Variants in CIC observed in about 807,000 individuals in gnomAD.
The protein encoded by CIC is capicua transcriptional repressor, also known as protein capicua homolog.
In CIC, 18 loss-of-function variants were observed where a neutral mutation model predicts 115.7. The observed-to-expected ratio is 0.16, with a 90% CI of 0.11 to 0.23. CIC has a LOEUF of 0.23. Ranked by LOEUF, CIC falls within the 10% of genes least tolerant of loss-of-function variation. The probability of loss-of-function intolerance (pLI) is 1.00; values close to 1 mark genes in which losing one functional copy is unlikely to be tolerated. For synonymous variants in CIC, 1,076 were observed against 923.0 expected (o/e 1.17, Z -3.01); for missense variants, 2,000 against 2,159.3 (o/e 0.93, Z 1.46).
chr19:42,271,633 A>T, intron 1 of CIC, 141 bp from the exon 2 acceptor site: 1 of 397,530 alleles, frequency 2.5e-6, no homozygotes, highest in African/African-American at 2.1e-5. Flanking sequence ...GTATCACATG[A>T]GTTGACAGCA....
At chr19:42,277,572 C>T (rs978944121) in intron 2 of CIC, among the ~76,000 whole-genome samples, 10 of 152,192 alleles carry the variant, frequency 6.6e-5, no homozygotes, top group African/African-American at 2.4e-4. Flanking sequence ...GGCTCCAGAT[C>T]CCAGGCCCTT....
chr19:42,287,312 C>T lies in CIC; in HGVS notation c.3180-8C>T, dbSNP rs775953544. 13 of 1,613,866 alleles carry T rather than the reference C, an allele frequency of 8.1e-6. No homozygotes were observed. Among genetic ancestry groups the T allele is most frequent in the East Asian group, 6.7e-5 (3 of 44,888 alleles). Reference sequence around the variant, plus strand: ...ATGGCCCTCACTGTCCCTGCTGCCCCGCCGCAGCTTCCTCTCCATCATGTC... The same window carrying T: ...ATGGCCCTCACTGTCCCTGCTGCCCTGCCGCAGCTTCCTCTCCATCATGTC... On this transcript the variant is annotated splice_polypyrimidine_tract_variant and splice_region_variant and intron_variant, in intron 4 of 20. Transcript: ENST00000681038. The surrounding 1 kb of genome is among the most constrained non-coding windows in gnomAD (Gnocchi z 8.7).
At chr19:42,283,042 A>G (rs1013032901) in intron 2 of CIC, among the ~76,000 whole-genome samples, 4 of 152,116 alleles carry the variant, frequency 2.6e-5, no homozygotes, top group African/African-American at 9.7e-5. Flanking sequence ...TGAGCTCTGT[A>G]TACCTGATGG....
chr19:42,274,875 G>C (rs2036911567), intron 2 of CIC, among the ~76,000 whole-genome samples: 1 of 152,172 alleles, frequency 6.6e-6, no homozygotes, highest in African/African-American at 2.4e-5. Context: ...GATGGGATAA[G>C]AGAATGATAA....
At position 42,295,636 on chromosome 19, in the gene CIC, TCTC is replaced by T. The variant is rs1305794449; in HGVS notation, c.*449_*451del. On this transcript the variant is annotated 3_prime_UTR_variant, in exon 21 of 21. Transcript: ENST00000681038. The stretch of plus-strand genomic sequence containing the variant: ...TTTGCCACAGGCACGGGGAGGGTTT[TCTC>T]CTCACCCCCTCTGCCCTCCCAACTT... The T allele has an allele frequency of 1.1e-4, 27 of 236,950 alleles. No individual in the cohort carries two copies. The East Asian group carries it at 1.6e-3, about 14-fold the overall frequency. The allele number at this position is 236,950 out of a possible 1,614,324, so 14.7% of individuals were successfully genotyped here. A position where few individuals can be genotyped will look rare whatever the true frequency, so the allele number is the denominator to read the frequency against.
Position 42,272,379 on chromosome 19 carries a change from T to C in CIC, c.596T>C (p.Leu199Pro). The change falls in exon 2 of 21, where the codon CTG becomes CCG. Residue 199 changes from leucine to proline, a missense_variant. This residue lies in a region of CIC where 222 missense variants were observed against 247.7 expected (regional missense o/e 0.90). Coordinates refer to ENST00000681038, the MANE Select transcript of CIC (RefSeq NM_001386298.1). Reference protein sequence around the residue: ...PPGSTSGSYDLRQLRSQRVLA... With the variant: ...PPGSTSGSYDPRQLRSQRVLA... ...GGCAGCACCAGTGGCAGCTATGACC[T>C]GCGGCAGCTGCGGTCCCAGCGGGTG... 1 of 398,534 alleles carries C rather than the reference T, an allele frequency of 2.5e-6. No homozygotes were observed. Among genetic ancestry groups the C allele is most frequent in the Non-Finnish European group, 4.4e-6 (1 of 225,990 alleles). The allele number at this position is 398,534 out of a possible 1,614,324, so 24.7% of individuals were successfully genotyped here. A position where few individuals can be genotyped will look rare whatever the true frequency, so the allele number is the denominator to read the frequency against.
intron 2 of CIC, among the ~76,000 whole-genome samples, chr19:42,275,037 A>G (rs1270840435): frequency 6.6e-6 from 1 of 152,206 alleles, no homozygotes; most frequent in African/African-American, 2.4e-5. Flanking sequence ...AGCTCATTTT[A>G]TCTTCACAAC....
chr19:42,288,303 C>A (rs1004478014), intron 7 of CIC, among the ~76,000 whole-genome samples: 1 of 152,176 alleles, frequency 6.6e-6, no homozygotes, highest in African/African-American at 2.4e-5. Context: ...TTCAGAGAGG[C>A]AAAATCACTT....
At chr19:42,279,112 C>G (rs539983112) in intron 2 of CIC, among the ~76,000 whole-genome samples, 2 of 152,206 alleles carry the variant, frequency 1.3e-5, no homozygotes, top group African/African-American at 4.8e-5. Flanking sequence ...GCCTCAGAGA[C>G]GAGGCAGTAC....
chr19:42,285,312 C>T (rs767385755), intron 2 of CIC, among the ~76,000 whole-genome samples: 4 of 152,078 alleles, frequency 2.6e-5, no homozygotes, highest in Non-Finnish European at 4.4e-5. Context: ...CTTTTCCCCA[C>T]CCCCCAGAAA....
At position 42,295,600 on chromosome 19, in the gene CIC, G is replaced by A. The variant is rs2038457493; in HGVS notation, c.*409G>A. The A allele has an allele frequency of 1.2e-5, 3 of 245,412 alleles. No individual in the cohort carries two copies. The highest frequency in any genetic ancestry group is 2.4e-5 in the Non-Finnish European group (3 of 125,912). 15.2% of individuals were successfully genotyped at this position (245,412 alleles called of 1,614,324 possible). A position where few individuals can be genotyped will look rare whatever the true frequency, so the allele number is the denominator to read the frequency against. On this transcript the variant is annotated 3_prime_UTR_variant, in exon 21 of 21. Coordinates refer to ENST00000681038, the MANE Select transcript of CIC (RefSeq NM_001386298.1). ...GGACTCAGGTTAGTTTGGGGGTGGG[G>A]GCTCCTGCACTTTGCCACAGGCACG...
intron 2 of CIC, among the ~76,000 whole-genome samples, chr19:42,282,281 C>T (rs1236399788): frequency 6.6e-6 from 1 of 152,196 alleles, no homozygotes; most frequent in Non-Finnish European, 1.5e-5. Context: ...GTTTTTGCCC[C>T]CTCTCCATTC....
At position 42,290,847 on chromosome 19, in the gene CIC, C is replaced by T. The variant is rs1568515512; in HGVS notation, c.4806C>T (p.Thr1602=). 1.2e-6 allele frequency: 2 copies of T among 1,610,870 alleles called. No individual in the cohort carries two copies. Among genetic ancestry groups the T allele is most frequent in the Non-Finnish European group, 1.7e-6 (2 of 1,178,814 alleles). The part of the protein sequence containing the change: ...PVPIASKPFP[T]SGRAEASPND... The stretch of plus-strand genomic sequence containing the variant: ...CCATCGCCTCTAAGCCCTTCCCCAC[C>T]TCTGGCCGGGCTGAGGCGTCTCCAA... The change falls in exon 11 of 21, where the codon ACC becomes ACT. Residue 1602 remains threonine, a synonymous_variant. Transcript: ENST00000681038.
chr19:42,278,051 T>C (rs2037057169), intron 2 of CIC, among the ~76,000 whole-genome samples: 1 of 152,350 alleles, frequency 6.6e-6, no homozygotes, highest in Admixed American at 6.5e-5. Context: ...GGGCAGCAGG[T>C]GTGAGGGGGC....
At position 42,292,414 on chromosome 19, in the gene CIC, C is replaced by T. The variant is rs1353629044; in HGVS notation, c.5850C>T (p.Gly1950=). The change falls in exon 14 of 21, where the codon GGC becomes GGT. Residue 1950 remains glycine (G), a synonymous_variant. Transcript: ENST00000681038. ...GGCCCACGAGCTCTGTAGCTCTAGG[C>T]TTCACCTCGCTGGGGCCCAGCGGCC... is the stretch of plus-strand genomic sequence containing the variant. ...SYGPTSSVAL[G]FTSLGPSGPA... 6.2e-7 allele frequency: 1 copy of T among 1,611,564 alleles called. No homozygotes were observed. The highest frequency in any genetic ancestry group is 8.5e-7 in the Non-Finnish European group (1 of 1,179,018).
chr19:42,290,541 C>A lies in CIC; in HGVS notation c.4500C>A (p.Leu1500=). 1 of 1,613,494 alleles carries A rather than the reference C, an allele frequency of 6.2e-7. No individual in the cohort carries two copies. Among genetic ancestry groups the A allele is most frequent in the South Asian group, 1.1e-5 (1 of 91,060 alleles). ...PATPSKATRF[L]PMDPATFRRK... is the part of the protein sequence containing the mutation. ...CACCTTCCAAGGCAACCCGGTTCCTCCCAATGGATCCTGCCACCTTCCGGC... is the reference window on the plus strand; with the variant it reads ...CACCTTCCAAGGCAACCCGGTTCCTACCAATGGATCCTGCCACCTTCCGGC... The change falls in exon 11 of 21, where the codon CTC becomes CTA. Residue 1500 remains leucine (L), a synonymous_variant. Transcript: ENST00000681038.
intron 11 of CIC, 25 bp downstream of exon 11, chr19:42,291,491 A>G: frequency 6.2e-7 from 1 of 1,613,116 alleles, no homozygotes; most frequent in Non-Finnish European, 8.5e-7. Context: ...GGGCAGCACT[A>G]GGGGAGGGGC....
chr19:42,290,097 A>T (rs2037964777), intron 10 of CIC, 136 bp from the exon 11 acceptor site: 10 of 1,440,882 alleles, frequency 6.9e-6, no homozygotes, highest in Non-Finnish European at 9.7e-6. Context: ...CATAGTCAGG[A>T]TGAATTGAGG....
chr19:42,293,371 A>G, intron 16 of CIC, 90 bp downstream of exon 16: 2 of 1,403,588 alleles, frequency 1.4e-6, no homozygotes, highest in Non-Finnish European at 1.9e-6. Flanking sequence ...TCTTCTTTCC[A>G]TGCCTGTGTG....
Sources: allele counts gnomAD v4.1 joint callset (sites outside exome capture counted in the v4.1 genomes callset), GRCh38; gene constraint gnomAD v4.1.1; regional missense constraint gnomAD v4.1.1; non-coding constraint Gnocchi (gnomAD v3.1); transcripts MANE v1.5; gene names NCBI Gene and HGNC (gene_info 2026-07-23, HGNC 2026-07-21).